The following KDM4C variants were observed in gnomAD, a reference collection of about 807,000 sequenced individuals.
The protein encoded by KDM4C is lysine-specific demethylase 4C.
KDM4C carries 81 observed loss-of-function variants against 129.3 expected under a neutral mutation model. The observed-to-expected ratio is 0.63, with a 90% confidence interval of 0.52 to 0.75. KDM4C has a LOEUF of 0.75. KDM4C is among the 30% of genes least tolerant of loss of function. The pLI is 0.00. For synonymous variants in KDM4C, 573 were observed against 456.1 expected, an observed-to-expected ratio of 1.26 and a Z score of -3.26; for missense variants, 1,457 against 1,304.0, an observed-to-expected ratio of 1.12 and a Z score of -1.81.
intron 17 of KDM4C, among the ~76,000 whole-genome samples, chr9:7,055,081 C>T (rs1322184396): frequency 2.6e-5 from 4 of 152,006 alleles, no homozygotes; most frequent in Non-Finnish European, 2.9e-5. Context: ...GGGAGCCTAT[C>T]GCAGGAGAAT....
intron 8 of KDM4C, among the ~76,000 whole-genome samples, chr9:6,973,458 C>T (rs6477133): frequency 0.04 from 6,051 of 152,252 alleles, 398 homozygotes; most frequent in African/African-American, 0.13. Context: ...AAAGAGTTTT[C>T]ACGTGGCAGG....
At chr9:7,168,768 A>T (rs1844656029) in intron 20 of KDM4C, among the ~76,000 whole-genome samples, 1 of 152,318 alleles carries the variant, frequency 6.6e-6, no homozygotes, top group East Asian at 1.9e-4. Context: ...GAGGATTATT[A>T]TATAAGAGTA....
chr9:6,755,370 C>G (rs1388353313), upstream of KDM4C, among the ~76,000 whole-genome samples: 1 of 152,026 alleles, frequency 6.6e-6, no homozygotes, highest in African/African-American at 2.4e-5. Flanking sequence ...GACTCTGTCT[C>G]AATTATAAAA....
intron 2 of KDM4C, among the ~76,000 whole-genome samples, chr9:6,798,353 C>T (rs1045923148): frequency 1.3e-5 from 2 of 151,718 alleles, no homozygotes; most frequent in African/African-American, 4.8e-5. Context: ...GGAAGGTCAG[C>T]AGATAAACAA....
chr9:6,908,522 G>A (rs1214846739), intron 8 of KDM4C, among the ~76,000 whole-genome samples: 1 of 152,146 alleles, frequency 6.6e-6, no homozygotes, highest in East Asian at 1.9e-4. Context: ...GTCCACGGAA[G>A]GACCCCACCT....
upstream of KDM4C, among the ~76,000 whole-genome samples, chr9:6,756,722 A>G (rs1818311739): frequency 6.6e-6 from 1 of 152,226 alleles, no homozygotes; most frequent in Admixed American, 6.5e-5. Flanking sequence ...GTCTCAAAAA[A>G]GAGTGTGTCT....
rs550220144 is a variant in KDM4C, at chr9:6,765,834, G to A, written c.-18+7631G>A. ...GATGGAGTCTTTCTCTGTCACCCAG[G>A]CTGGAGTGCAGTGGTGTGATCTCGG... On this transcript the variant is annotated intron_variant, in intron 1 of 21. Transcript: ENST00000381309. 2.0e-5 allele frequency among the ~76,000 whole-genome samples: 3 copies of A among 152,228 alleles called. No homozygotes were observed. The East Asian group carries it at 5.8e-4, about 29-fold the overall frequency.
chr9:6,864,292 T>A (rs1274935999), intron 5 of KDM4C, among the ~76,000 whole-genome samples: 4 of 152,298 alleles, frequency 2.6e-5, no homozygotes, highest in African/African-American at 9.6e-5. Flanking sequence ...TGGATGACAA[T>A]CCCCATTTTT....
In KDM4C at chr9:6,818,869, T is replaced by C. The variant is rs114870625; in HGVS notation, c.435+4124T>C. The C allele has an allele frequency of 4.1e-3, 622 of 152,262 alleles. 8 individuals carry two copies. The highest frequency in any genetic ancestry group is 0.014 in the African/African-American group (597 of 41,554). 9.4% of individuals were successfully genotyped at this position (152,262 alleles called of 1,614,324 possible). On this transcript the variant is annotated intron_variant, in intron 4 of 21. Transcript: ENST00000381309. ...TTATGCATAGTCAGTCTCATAGTTG[T>C]GGAAATATGTAAAACTAGGTCTTTG...
chr9:7,122,259 A>ACTCTCTCT (rs1252407890), intron 18 of KDM4C, among the ~76,000 whole-genome samples: 444 of 100,518 alleles, frequency 4.4e-3, no homozygotes, highest in African/African-American at 0.01. Context: ...ACACACACAC[A>ACTCTCTCT]CACACACTCT....
chr9:7,087,915 C>T (rs1416997220), intron 17 of KDM4C, among the ~76,000 whole-genome samples: 4 of 152,084 alleles, frequency 2.6e-5, no homozygotes, highest in Non-Finnish European at 4.4e-5. Flanking sequence ...AAAATTCTAT[C>T]TACATCCAGT....
chr9:6,859,215 T>A (rs1311023518), intron 5 of KDM4C, among the ~76,000 whole-genome samples: 1 of 152,138 alleles, frequency 6.6e-6, no homozygotes, highest in Admixed American at 6.5e-5. Context: ...CGGTGGTTCA[T>A]GCCTATAATC....
At chr9:7,006,562 G>C (rs939531263) in intron 12 of KDM4C, among the ~76,000 whole-genome samples, 2 of 152,122 alleles carry the variant, frequency 1.3e-5, no homozygotes, top group African/African-American at 4.8e-5. Context: ...GAAAGGCTGA[G>C]AAGGGAGGGT....
chr9:6,943,236 C>G (rs1452843130), intron 8 of KDM4C, among the ~76,000 whole-genome samples: 1 of 152,032 alleles, frequency 6.6e-6, no homozygotes, highest in African/African-American at 2.4e-5. Context: ...AAGTTGGAAA[C>G]AATTGAATGT....
intron 18 of KDM4C, among the ~76,000 whole-genome samples, chr9:7,125,655 A>T (rs887841391): frequency 2.6e-5 from 4 of 152,236 alleles, no homozygotes; most frequent in Non-Finnish European, 5.9e-5. Context: ...TTGACTAGTG[A>T]TTCTGGATGA....
intron 5 of KDM4C, among the ~76,000 whole-genome samples, chr9:6,869,012 C>T (rs1357981932): frequency 6.6e-6 from 1 of 151,944 alleles, no homozygotes; most frequent in South Asian, 2.1e-4. Context: ...GATTTTATAA[C>T]AATGATGTTA....
intron 1 of KDM4C, among the ~76,000 whole-genome samples, chr9:6,775,017 T>C (rs1822699419): frequency 6.6e-6 from 1 of 152,194 alleles, no homozygotes; most frequent in South Asian, 2.1e-4. Flanking sequence ...TCCATATTTA[T>C]TTTCTTTTTT....
chr9:7,159,688 T>C (rs1212352324), intron 19 of KDM4C, among the ~76,000 whole-genome samples: 1 of 152,252 alleles, frequency 6.6e-6, no homozygotes, highest in African/African-American at 2.4e-5. Context: ...GTAGGGTTTC[T>C]GCTGAGAGAT....
At chr9:6,807,694 C>G (rs1830286306) in intron 3 of KDM4C, among the ~76,000 whole-genome samples, 2 of 149,144 alleles carry the variant, frequency 1.3e-5, no homozygotes, top group African/African-American at 2.5e-5. Context: ...GGCAGCTGCC[C>G]CGTCTGAGAA....
Sources: gnomAD v4.1 joint callset for allele counts (sites outside exome capture counted in the v4.1 genomes callset) on GRCh38, gnomAD v4.1.1 for gene constraint, MANE v1.5 for transcripts, NCBI Gene and HGNC (gene_info 2026-07-23, HGNC 2026-07-21) for gene names.